GRK2: variants seen among roughly 807,000 people sequenced by gnomAD.
The protein encoded by GRK2 is G protein-coupled receptor kinase 2, also known as adrenergic beta receptor kinase 1.
A neutral mutation model predicts 97.8 loss-of-function variants in GRK2; 23 were observed. The ratio of observed to expected loss-of-function variants is 0.24; its 90% confidence interval spans 0.17 to 0.33. The LOEUF is 0.33. Ranked by LOEUF, GRK2 falls within the 10% of genes least tolerant of loss-of-function variation. The probability of loss-of-function intolerance (pLI) is 1.00; values close to 1 mark genes in which losing one functional copy is unlikely to be tolerated. For synonymous variants in GRK2, 425 were observed against 381.7 expected (o/e 1.11, Z -1.32); for missense variants, 633 against 956.9 (o/e 0.66, Z 4.47).
intron 7 of GRK2, 37 bp downstream of exon 7, chr11:67,280,820 C>T (rs1365450630): frequency 1.2e-6 from 2 of 1,608,978 alleles, no homozygotes; most frequent in South Asian, 1.1e-5. Flanking sequence ...AAGCCACGCA[C>T]CCTGCTGCTC....
At chr11:67,280,998 C>A (rs1860136272) in intron 7 of GRK2, 95 bp from the exon 8 acceptor site, 3 of 1,220,334 alleles carry the variant, frequency 2.5e-6, no homozygotes, top group South Asian at 2.7e-5. Flanking sequence ...GGTATGGGGA[C>A]CCTGGCATGG....
At chr11:67,280,035 C>CT (rs1860116503) in intron 6 of GRK2, 135 bp downstream of exon 6, 1 of 817,934 alleles carries the variant, frequency 1.2e-6, no homozygotes, top group African/African-American at 1.7e-5. Flanking sequence ...CAGCGGCCCC[C>CT]TTGCAAGGAC....
intron 1 of GRK2, among the ~76,000 whole-genome samples, chr11:67,268,952 C>A (rs1309269301): frequency 6.6e-6 from 1 of 152,206 alleles, no homozygotes; most frequent in Non-Finnish European, 1.5e-5. Flanking sequence ...GGAGGCCGAG[C>A]CAGGCAGCCC....
intron 1 of GRK2, among the ~76,000 whole-genome samples, chr11:67,270,306 C>T (rs538739721): frequency 2.8e-4 from 43 of 152,294 alleles, no homozygotes; most frequent in Admixed American, 2.5e-3. Flanking sequence ...CTGCCCTCCC[C>T]GGTGACAGTG....
At position 67,283,761 on chromosome 11, in the gene GRK2, C is replaced by G; in HGVS notation, c.1383C>G (p.Val461=). Residue 461 remains valine, a synonymous_variant, in exon 16 of 21, where the codon GTC becomes GTG. Transcript: ENST00000308595. ...PFFRSLDWQM[V]FLQKYPPPLI... Reference sequence around the variant, plus strand: ...TCCGCTCCCTGGACTGGCAGATGGTCTTCTTGCAGAAGGTAACAGTCTGCG... The same window carrying G: ...TCCGCTCCCTGGACTGGCAGATGGTGTTCTTGCAGAAGGTAACAGTCTGCG... The G allele has an allele frequency of 6.2e-7, 1 of 1,613,736 alleles. No individual in the cohort carries two copies. The highest frequency in any genetic ancestry group is 8.5e-7 in the Non-Finnish European group (1 of 1,180,000).
intron 2 of GRK2, among the ~76,000 whole-genome samples, chr11:67,278,824 G>A (rs552466305): frequency 1.3e-5 from 2 of 152,218 alleles, no homozygotes; most frequent in East Asian, 3.9e-4. Flanking sequence ...CCGGTGGGGG[G>A]TATCGGCCTC....
intron 6 of GRK2, chr11:67,280,191 T>C: frequency 2.1e-6 from 1 of 483,760 alleles, no homozygotes; most frequent in South Asian, 2.2e-5. Flanking sequence ...CCGTGGGCTG[T>C]ATAGCACCTT....
At position 67,285,580 on chromosome 11, in the gene GRK2, C is replaced by T. The variant is rs1860261297; in HGVS notation, c.*130C>T. 8.1e-7 allele frequency: 1 copy of T among 1,232,524 alleles called. No homozygotes were observed. The highest frequency in any genetic ancestry group is 1.1e-6 in the Non-Finnish European group (1 of 926,348). The allele number at this position is 1,232,524 out of a possible 1,614,324, so 76.3% of individuals were successfully genotyped here. A position where few individuals can be genotyped will look rare whatever the true frequency, so the allele number is the denominator to read the frequency against. ...CCCGTGGCCCCAGCCTGGCCCAGCT[C>T]CCCCGGGAGGGGCCCGCTTGCCTCG... On this transcript the variant is annotated 3_prime_UTR_variant, in exon 21 of 21. Transcript: ENST00000308595.
chr11:67,275,306 AG>A (rs1565064131), intron 1 of GRK2, among the ~76,000 whole-genome samples: 1 of 152,200 alleles, frequency 6.6e-6, no homozygotes, highest in African/African-American at 2.4e-5. Context: ...GAGGCCAGGC[AG>A]GGTCCACAGG....
At position 67,276,377 on chromosome 11, in the gene GRK2, T is replaced by C. The variant is rs145824880; in HGVS notation, c.114-895T>C. On this transcript the variant is annotated intron_variant, in intron 1 of 20. Transcript: ENST00000308595. This position sits in a 1 kb window ranked among gnomAD's most constrained non-coding sequence, Gnocchi z 4.2. ...GTAAGGTGGTATTTGAGGCCGGGAG[T>C]GTAGCCTGGTGTGGCGCTCCCAGAC... is the stretch of plus-strand genomic sequence containing the variant. 1.4e-4 allele frequency among the ~76,000 whole-genome samples: 21 copies of C among 151,416 alleles called. No individual in the cohort carries two copies. The highest frequency in any genetic ancestry group is 5.1e-4 in the African/African-American group (21 of 41,224).
chr11:67,270,737 T>C (rs991306624), intron 1 of GRK2, among the ~76,000 whole-genome samples: 1 of 152,250 alleles, frequency 6.6e-6, no homozygotes, highest in African/African-American at 2.4e-5. Flanking sequence ...GGAATGGGTC[T>C]CTGGGATGTC....
intron 2 of GRK2, 21 bp downstream of exon 2, chr11:67,277,369 G>C (rs762612732): frequency 6.8e-6 from 11 of 1,608,994 alleles, no homozygotes; most frequent in Non-Finnish European, 9.4e-6. Context: ...CAGTGGCTCT[G>C]CCAGCCACCG....
In GRK2 at chr11:67,266,780, C is replaced by G; in HGVS notation, c.81C>G (p.Arg27=). 1 of 1,365,576 alleles carries G rather than the reference C, an allele frequency of 7.3e-7. No homozygotes were observed. Among genetic ancestry groups the G allele is most frequent in the Non-Finnish European group, 9.6e-7 (1 of 1,045,322 alleles). The allele number at this position is 1,365,576 out of a possible 1,614,324, so 84.6% of individuals were successfully genotyped here. A position where few individuals can be genotyped will look rare whatever the true frequency, so the allele number is the denominator to read the frequency against. Residue 27 remains arginine, a synonymous_variant, in exon 1 of 21, where the codon CGC becomes CGG. Coordinates refer to ENST00000308595, the MANE Select transcript of GRK2 (RefSeq NM_001619.5). ...MEKSKATPAA[R]ASKKILLPEP... The stretch of plus-strand genomic sequence containing the variant: ...AGAGCAAGGCCACGCCGGCCGCGCG[C>G]GCCAGCAAGAAGATCCTGCTGCCCG...
intron 1 of GRK2, among the ~76,000 whole-genome samples, chr11:67,273,522 C>T (rs1590847364): frequency 6.6e-6 from 1 of 152,198 alleles, no homozygotes; most frequent in African/African-American, 2.4e-5. Context: ...CAGGAGCTGC[C>T]CCCAGTGGCA....
Position 67,286,138 on chromosome 11 carries a change from G to A in GRK2, c.*688G>A. ...CCAGCACCCGGGCTCAGGGACCACA[G>A]CAAGGCACCTGCAGGTTGGGCCATA... On this transcript the variant is annotated 3_prime_UTR_variant, in exon 21 of 21. Coordinates refer to ENST00000308595, the MANE Select transcript of GRK2 (RefSeq NM_001619.5). 2.1e-6 allele frequency: 1 copy of A among 472,886 alleles called. No individual in the cohort carries two copies. Among genetic ancestry groups the A allele is most frequent in the Admixed American group, 4.1e-5 (1 of 24,350 alleles). 29.3% of individuals were successfully genotyped at this position (472,886 alleles called of 1,614,324 possible).
In GRK2 at chr11:67,286,470, C is replaced by A; in HGVS notation, c.*1020C>A. 2 of 700,648 alleles carry A rather than the reference C, an allele frequency of 2.9e-6. No individual in the cohort carries two copies. The highest frequency in any genetic ancestry group is 1.5e-5 in the South Asian group (1 of 67,490). The allele number at this position is 700,648 out of a possible 1,614,324, so 43.4% of individuals were successfully genotyped here. ...CACCCTCCCCTCCCGTCTACTCATT[C>A]CCCGGGGCGTTTCTTTGCCGATTTT... On this transcript the variant is annotated 3_prime_UTR_variant, in exon 21 of 21. Coordinates refer to ENST00000308595, the MANE Select transcript of GRK2 (RefSeq NM_001619.5).
rs1859807106 is a variant in GRK2, at chr11:67,266,679, G to C, written c.-21G>C. 4.5e-6 allele frequency: 5 copies of C among 1,119,856 alleles called. No individual in the cohort carries two copies. The highest frequency in any genetic ancestry group is 5.6e-6 in the Non-Finnish European group (5 of 900,570). The allele number at this position is 1,119,856 out of a possible 1,614,324, so 69.4% of individuals were successfully genotyped here. On this transcript the variant is annotated 5_prime_UTR_variant, in exon 1 of 21. Coordinates refer to ENST00000308595, the MANE Select transcript of GRK2 (RefSeq NM_001619.5). ...GGCGGCGGCGGCGGCGGCGGCGGGAGGAGGCAGCGCCGCCGCCAAGATGGC... is the reference window on the plus strand; with the variant it reads ...GGCGGCGGCGGCGGCGGCGGCGGGACGAGGCAGCGCCGCCGCCAAGATGGC...
chr11:67,277,460 G>A lies in GRK2; in HGVS notation c.190+112G>A. ...AGATTTGGCCTCCCATCCACTCAGG[G>A]TGGAGCAGCCAGCGAGACCCCAGGG... On this transcript the variant is annotated intron_variant, in intron 2 of 20. Transcript: ENST00000308595. The A allele has an allele frequency of 4.2e-6, 4 of 959,964 alleles. No individual in the cohort carries two copies. The South Asian group carries it at 5.6e-5, about 13-fold the overall frequency. 59.5% of individuals were successfully genotyped at this position (959,964 alleles called of 1,614,324 possible).
rs1415203161 is a variant in GRK2, at chr11:67,279,271, G to C, written c.262G>C (p.Glu88Gln). The C allele has an allele frequency of 2.5e-6, 4 of 1,613,576 alleles. No homozygotes were observed. The South Asian group carries it at 4.4e-5, about 18-fold the overall frequency. Reference sequence around the variant, plus strand: ...CAGGCCCTTGGTGGAATTCTATGAGGAGGTGAGACCCAGAGGCCCAAGCCC... The same window carrying C: ...CAGGCCCTTGGTGGAATTCTATGAGCAGGTGAGACCCAGAGGCCCAAGCCC... ...EARPLVEFYE[E>Q]IKKYEKLETE... Residue 88 changes from glutamate (E) to glutamine (Q), a missense_variant and splice_region_variant, in exon 3 of 21, where the codon GAG becomes CAG. Coordinates refer to ENST00000308595, the MANE Select transcript of GRK2 (RefSeq NM_001619.5).
Sources: gnomAD v4.1 joint callset for allele counts (sites outside exome capture counted in the v4.1 genomes callset) on GRCh38, gnomAD v4.1.1 for gene constraint, Gnocchi (gnomAD v3.1) non-coding constraint, MANE v1.5 for transcripts, NCBI Gene and HGNC (gene_info 2026-07-23, HGNC 2026-07-21) for gene names.